CACNA1B: variants seen among roughly 807,000 people sequenced by gnomAD.
CACNA1B encodes the protein calcium voltage-gated channel subunit alpha1 B.
A neutral mutation model predicts 247.2 loss-of-function variants in CACNA1B; 70 were observed. That is an observed-to-expected ratio of 0.28 (90% CI 0.23 to 0.35). The LOEUF is 0.35. CACNA1B is among the 10% of genes least tolerant of loss of function. CACNA1B has a pLI of 1.00. For missense variants in CACNA1B, 2,367 were observed against 3,197.4 expected (o/e 0.74, Z 6.26); for synonymous variants, 1,231 against 1,294.4 (o/e 0.95, Z 1.05).
At chr9:138,106,157 C>T (rs1000091705) in intron 39 of CACNA1B, among the ~76,000 whole-genome samples, 9 of 152,196 alleles carry the variant, frequency 5.9e-5, no homozygotes, top group Non-Finnish European at 8.8e-5. Flanking sequence ...CCTGCATGCC[C>T]TTGGCCCCCT....
At chr9:138,040,716 C>T (rs754129209) in intron 20 of CACNA1B, 9 of 208,778 alleles carry the variant, frequency 4.3e-5, no homozygotes, top group African/African-American at 9.4e-5. Flanking sequence ...GGTTGACATT[C>T]GCTGGCAGCT....
intron 16 of CACNA1B, among the ~76,000 whole-genome samples, chr9:138,009,040 C>G (rs1352649337): frequency 6.6e-6 from 1 of 152,200 alleles, no homozygotes; most frequent in East Asian, 1.9e-4. Context: ...TTCTGGGAAA[C>G]TGTGCAGGGG....
At chr9:137,936,495 C>T (rs1049841413) in intron 6 of CACNA1B, among the ~76,000 whole-genome samples, 1 of 152,042 alleles carries the variant, frequency 6.6e-6, no homozygotes, top group Admixed American at 6.6e-5. Context: ...TAATTAGATC[C>T]CATCTATTTC....
chr9:138,055,601 T>G (rs1043519353), intron 26 of CACNA1B, among the ~76,000 whole-genome samples: 1 of 152,220 alleles, frequency 6.6e-6, no homozygotes, highest in Non-Finnish European at 1.5e-5. Flanking sequence ...TACTTGGAAG[T>G]TGATTTTTAT....
Position 137,899,035 on chromosome 9 carries a change from G to A in CACNA1B, c.531-14145G>A, listed in dbSNP as rs1957202879. 6.6e-6 allele frequency among the ~76,000 whole-genome samples: 1 copy of A among 151,882 alleles called. No homozygotes were observed. Among genetic ancestry groups the A allele is most frequent in the Non-Finnish European group, 1.5e-5 (1 of 67,978 alleles). ...AGTCCTCCCGCCTCAGCTTTCCAAA[G>A]TGCTGGGATTGTAGGTGTGAGCCAC... is the stretch of plus-strand genomic sequence containing the variant. On this transcript the variant is annotated intron_variant, in intron 3 of 46. Transcript: ENST00000371372. This position sits in a 1 kb window ranked among gnomAD's most constrained non-coding sequence, Gnocchi z 5.0.
intron 42 of CACNA1B, among the ~76,000 whole-genome samples, chr9:138,117,288 G>GC (rs79133844): frequency 1.3e-5 from 2 of 151,408 alleles, no homozygotes; most frequent in African/African-American, 4.9e-5. Context: ...GTGGCTTGGG[G>GC]GGGGGGTCAG....
chr9:137,882,583 C>T lies in CACNA1B; in HGVS notation c.391-161C>T, dbSNP rs888699868. On this transcript the variant is annotated intron_variant, in intron 2 of 46. Coordinates refer to ENST00000371372, the MANE Select transcript of CACNA1B (RefSeq NM_000718.4). This position sits in a 1 kb window ranked among gnomAD's most constrained non-coding sequence, Gnocchi z 4.0. ...AGCAGGCTCAGTGATGGGAATGGCT[C>T]CTTGGAGAATCTGCAGGGTGTTGGG... Among the ~76,000 whole-genome samples, 1 of 152,134 alleles carries T rather than the reference C, an allele frequency of 6.6e-6. No homozygotes were observed. The highest frequency in any genetic ancestry group is 2.4e-5 in the African/African-American group (1 of 41,428).
Position 138,054,261 on chromosome 9 carries a change from G to C in CACNA1B, c.3968+255G>C, listed in dbSNP as rs765452271. 6.6e-6 allele frequency among the ~76,000 whole-genome samples: 1 copy of C among 152,228 alleles called. No homozygotes were observed. Among genetic ancestry groups the C allele is most frequent in the African/African-American group, 2.4e-5 (1 of 41,460 alleles). On this transcript the variant is annotated intron_variant, in intron 26 of 46. Coordinates refer to ENST00000371372, the MANE Select transcript of CACNA1B (RefSeq NM_000718.4). The surrounding 1 kb of genome is among the most constrained non-coding windows in gnomAD (Gnocchi z 4.6). ...TCCTCCTCAGCAGAGTCAGGAACCA[G>C]GCATGTTCTGAGGGACACAGACATC...
chr9:137,914,912 C>CATG lies in CACNA1B; in HGVS notation c.775+108_775+110dup. The CATG allele has an allele frequency of 8.0e-7, 1 of 1,255,958 alleles. No homozygotes were observed. Among genetic ancestry groups the CATG allele is most frequent in the Non-Finnish European group, 1.1e-6 (1 of 916,974 alleles). 77.8% of individuals were successfully genotyped at this position (1,255,958 alleles called of 1,614,324 possible). On this transcript the variant is annotated intron_variant, in intron 5 of 46. Coordinates refer to ENST00000371372, the MANE Select transcript of CACNA1B (RefSeq NM_000718.4). The surrounding 1 kb of genome is among the most constrained non-coding windows in gnomAD (Gnocchi z 4.3). ...AGAGGGGCCTTCTTGGTGCCAGATA[C>CATG]ATGAGGTGGAGCTGACATTCTAGTG...
chr9:137,891,743 G>A lies in CACNA1B; in HGVS notation c.530+8860G>A. The A allele has an allele frequency of 6.5e-6, 2 of 305,458 alleles. No individual in the cohort carries two copies. The highest frequency in any genetic ancestry group is 1.3e-5 in the Non-Finnish European group (2 of 155,960). The allele number at this position is 305,458 out of a possible 1,614,324, so 18.9% of individuals were successfully genotyped here. The stretch of plus-strand genomic sequence containing the variant: ...GGTGAGAAGGCAGGTGCTGGCTGTG[G>A]GGCTGTAGAGTGGAGGGGCCTCCAC... On this transcript the variant is annotated intron_variant, in intron 3 of 46. Transcript: ENST00000371372. The surrounding 1 kb of genome is among the most constrained non-coding windows in gnomAD (Gnocchi z 4.3).
At chr9:138,017,250 A>C (rs778634012) in intron 18 of CACNA1B, 20 of 516,446 alleles carry the variant, frequency 3.9e-5, no homozygotes, top group Non-Finnish European at 7.0e-5. Flanking sequence ...TGATAACTAC[A>C]TGCAGACACC....
intron 3 of CACNA1B, among the ~76,000 whole-genome samples, chr9:137,910,014 G>T (rs1392088911): frequency 6.6e-6 from 1 of 152,072 alleles, no homozygotes; most frequent in Non-Finnish European, 1.5e-5. Flanking sequence ...CAGGTGATCT[G>T]CCTGCTTCGG....
chr9:138,040,594 C>T (rs1216081168), intron 20 of CACNA1B: 2 of 438,584 alleles, frequency 4.6e-6, no homozygotes, highest in South Asian at 1.6e-5. Flanking sequence ...AGAGCCAGCC[C>T]GAGTCTCAAA....
intron 39 of CACNA1B, among the ~76,000 whole-genome samples, chr9:138,111,115 T>C (rs1387056282): frequency 6.6e-6 from 1 of 152,196 alleles, no homozygotes; most frequent in Non-Finnish European, 1.5e-5. Flanking sequence ...AAGAAAATGG[T>C]GCAGCCCCTT....
At position 137,943,510 on chromosome 9, in the gene CACNA1B, T is replaced by C. The variant is rs1957758009; in HGVS notation, c.967-8764T>C. On this transcript the variant is annotated intron_variant, in intron 6 of 46. Transcript: ENST00000371372. ...AGAACCTTCACAACTTCATTGGCCT[T>C]CTGTGTTTTGGTGTAGGGTAAGCTT... Among the ~76,000 whole-genome samples, 3 of 151,982 alleles carry C rather than the reference T, an allele frequency of 2.0e-5. No homozygotes were observed. In the South Asian group the frequency reaches 6.2e-4, roughly 31 times the overall value.
chr9:138,086,057 G>C lies in CACNA1B; in HGVS notation c.5094+7799G>C, dbSNP rs1177700019. 1.3e-5 allele frequency among the ~76,000 whole-genome samples: 2 copies of C among 151,176 alleles called. 1 individual carries two copies. Among genetic ancestry groups the C allele is most frequent in the African/African-American group, 4.9e-5 (2 of 40,870 alleles). On this transcript the variant is annotated intron_variant, in intron 36 of 46. Coordinates refer to ENST00000371372, the MANE Select transcript of CACNA1B (RefSeq NM_000718.4). ...ACTAAACCGTAATGATAAATAATGA[G>C]AGGAAGAAAGGAAGAAAAGATATAC...
Position 137,950,029 on chromosome 9 carries a change from T to TG in CACNA1B, c.967-2243dup, listed in dbSNP as rs1330484574. On this transcript the variant is annotated intron_variant, in intron 6 of 46. Coordinates refer to ENST00000371372, the MANE Select transcript of CACNA1B (RefSeq NM_000718.4). The surrounding 1 kb of genome is among the most constrained non-coding windows in gnomAD (Gnocchi z 4.8). ...TTTTTGGCCTTTCAGCATGGGACCT[T>TG]GGATCTCAGTTAAGCATTCTGCGTT... Among the ~76,000 whole-genome samples, 3 of 152,228 alleles carry TG rather than the reference T, an allele frequency of 2.0e-5. No homozygotes were observed. Among genetic ancestry groups the TG allele is most frequent in the Non-Finnish European group, 4.4e-5 (3 of 68,036 alleles).
chr9:138,089,906 T>G (rs1960822157), intron 36 of CACNA1B, among the ~76,000 whole-genome samples: 1 of 152,128 alleles, frequency 6.6e-6, no homozygotes, highest in Non-Finnish European at 1.5e-5. Context: ...GTGAAAGATC[T>G]CTACAAAGAA....
chr9:138,121,407 G>C lies in CACNA1B; in HGVS notation c.6490-62G>C. 7.7e-7 allele frequency: 1 copy of C among 1,292,916 alleles called. No individual in the cohort carries two copies. The highest frequency in any genetic ancestry group is 1.0e-6 in the Non-Finnish European group (1 of 956,700). 80.1% of individuals were successfully genotyped at this position (1,292,916 alleles called of 1,614,324 possible). A position where few individuals can be genotyped will look rare whatever the true frequency, so the allele number is the denominator to read the frequency against. ...CACCTGTGTGTGATGTGCTCTGTCTGTTGGTTCGGCTTTTTTTTTTTTTTT... is the reference window on the plus strand; with the variant it reads ...CACCTGTGTGTGATGTGCTCTGTCTCTTGGTTCGGCTTTTTTTTTTTTTTT... On this transcript the variant is annotated intron_variant, in intron 46 of 46. Transcript: ENST00000371372. This position sits in a 1 kb window ranked among gnomAD's most constrained non-coding sequence, Gnocchi z 6.8.
Sources: allele counts gnomAD v4.1 joint callset (sites outside exome capture counted in the v4.1 genomes callset), GRCh38; gene constraint gnomAD v4.1.1; non-coding constraint Gnocchi (gnomAD v3.1); transcripts MANE v1.5; gene names NCBI Gene and HGNC (gene_info 2026-07-23, HGNC 2026-07-21).